Variants in LRP1B observed in about 807,000 individuals in gnomAD.
The protein encoded by LRP1B is low-density lipoprotein receptor-related protein 1B.
In LRP1B, 217 loss-of-function variants were observed where a neutral mutation model predicts 556.6. The ratio of observed to expected loss-of-function variants is 0.39; its 90% CI spans 0.35 to 0.44. The LOEUF (loss-of-function observed/expected upper bound fraction) is 0.44. Among genes scored for constraint, LRP1B ranks in the 20% least tolerant of loss-of-function variants. The pLI, the probability that LRP1B is intolerant of heterozygous loss-of-function variation, is 1.00. For missense variants in LRP1B, 5,053 were observed against 5,620.8 expected (o/e 0.90, Z 3.23); for synonymous variants, 2,047 against 1,865.8 (o/e 1.10, Z -2.50).
intron 21 of LRP1B, among the ~76,000 whole-genome samples, chr2:140,921,737 C>T (rs1694742038): frequency 6.6e-6 from 1 of 151,908 alleles, no homozygotes; most frequent in South Asian, 2.1e-4. Flanking sequence ...TAGGAAAAGG[C>T]TTCAGGAGTA....
At chr2:140,441,629 C>A (rs1310003759) in intron 66 of LRP1B, among the ~76,000 whole-genome samples, 1 of 151,954 alleles carries the variant, frequency 6.6e-6, no homozygotes, top group African/African-American at 2.4e-5. Flanking sequence ...TTTCATTTTC[C>A]CCATAAAAGT....
chr2:141,037,108 G>A (rs1267190275), intron 11 of LRP1B, among the ~76,000 whole-genome samples: 1 of 151,976 alleles, frequency 6.6e-6, no homozygotes, highest in Non-Finnish European at 1.5e-5. Flanking sequence ...AGAGTGTGGA[G>A]AGAGACCTTC....
In LRP1B at chr2:141,583,985, TGA is replaced by T. The variant is rs1234925582; in HGVS notation, c.206-103454_206-103453del. ...GATCTCCTGATCTCATTGAACAGGC[TGA>T]GTCGCAGCAGAAAATTTTTGTGGCA... On this transcript the variant is annotated intron_variant, in intron 2 of 90. Coordinates refer to ENST00000389484, the MANE Select transcript of LRP1B (RefSeq NM_018557.3). Among the ~76,000 whole-genome samples the T allele has an allele frequency of 2.0e-5, 3 of 151,948 alleles. No homozygotes were observed. The East Asian group carries it at 5.8e-4, about 30-fold the overall frequency.
In LRP1B at chr2:141,470,249, C is replaced by T. The variant is rs189832566; in HGVS notation, c.343+10147G>A. 2.0e-3 allele frequency among the ~76,000 whole-genome samples: 309 copies of T among 152,232 alleles called. 1 individual carries two copies. Among genetic ancestry groups the T allele is most frequent in the Non-Finnish European group, 3.5e-3 (235 of 68,008 alleles). ...TCTTATTGTTACTGGTGCAGATCTA[C>T]TTCAAAGAGTCAAAATGAACAGTTC... On this transcript the variant is annotated intron_variant, in intron 3 of 90. Transcript: ENST00000389484.
intron 11 of LRP1B, among the ~76,000 whole-genome samples, chr2:141,038,324 T>C (rs1180909854): frequency 6.6e-6 from 1 of 152,082 alleles, no homozygotes; most frequent in Non-Finnish European, 1.5e-5. Context: ...TGGTGGACTA[T>C]GCATTCTAAT....
At chr2:140,346,109 C>T (rs996349421) in intron 77 of LRP1B, among the ~76,000 whole-genome samples, 3 of 151,210 alleles carry the variant, frequency 2.0e-5, no homozygotes, top group African/African-American at 4.8e-5. Context: ...AAGCAAGATT[C>T]CAGTTCTGTT....
intron 1 of LRP1B, among the ~76,000 whole-genome samples, chr2:141,852,436 G>C (rs902512772): frequency 6.6e-6 from 1 of 151,704 alleles, no homozygotes; most frequent in Non-Finnish European, 1.5e-5. Context: ...TAAAATATGT[G>C]TTCACATAAG....
At chr2:141,432,612 A>C (rs1680602227) in intron 3 of LRP1B, among the ~76,000 whole-genome samples, 1 of 142,642 alleles carries the variant, frequency 7.0e-6, no homozygotes, top group Non-Finnish European at 1.5e-5. Flanking sequence ...TAGTCTATTC[A>C]GATGTTTTAT....
intron 31 of LRP1B, among the ~76,000 whole-genome samples, chr2:140,826,830 G>A (rs994551432): frequency 2.0e-5 from 3 of 152,082 alleles, no homozygotes; most frequent in Non-Finnish European, 4.4e-5. Context: ...AAGGGGAGGT[G>A]GGATTAGAAA....
chr2:141,807,995 G>A (rs1490471622), intron 2 of LRP1B, among the ~76,000 whole-genome samples: 1 of 151,944 alleles, frequency 6.6e-6, no homozygotes, highest in Admixed American at 6.6e-5. Context: ...TTTTCTCTCT[G>A]GACTTTACCT....
At chr2:141,390,924 T>A (rs1690026799) in intron 3 of LRP1B, among the ~76,000 whole-genome samples, 1 of 152,052 alleles carries the variant, frequency 6.6e-6, no homozygotes, top group Non-Finnish European at 1.5e-5. Context: ...TCTCTCACAA[T>A]TAAAAAAAGA....
At chr2:141,848,976 C>G (rs10172953) in intron 1 of LRP1B, among the ~76,000 whole-genome samples, 23,725 of 151,404 alleles carry the variant, frequency 0.16, 1,952 homozygotes, top group Non-Finnish European at 0.18. Context: ...CAGATAAATT[C>G]TGTGTGTCCA....
chr2:141,784,957 A>C (rs1695381765), intron 2 of LRP1B, among the ~76,000 whole-genome samples: 1 of 151,954 alleles, frequency 6.6e-6, no homozygotes, highest in African/African-American at 2.4e-5. Context: ...CGATAGGTGG[A>C]TAGATATGGC....
chr2:141,733,579 A>G (rs1693359564), intron 2 of LRP1B, among the ~76,000 whole-genome samples: 1 of 152,102 alleles, frequency 6.6e-6, no homozygotes, highest in Non-Finnish European at 1.5e-5. Context: ...CCTACAGAAT[A>G]AAGTTTAAAT....
At chr2:141,601,898 G>A (rs879272) in intron 2 of LRP1B, among the ~76,000 whole-genome samples, 98,704 of 152,004 alleles carry the variant, frequency 0.65, 34,783 homozygotes, top group Non-Finnish European at 0.79. Flanking sequence ...CACCGCGTCC[G>A]GCCTTAGCAT....
intron 2 of LRP1B, among the ~76,000 whole-genome samples, chr2:141,496,956 T>C (rs1430555232): frequency 6.6e-6 from 1 of 152,076 alleles, no homozygotes; most frequent in Non-Finnish European, 1.5e-5. Context: ...TATGATGTCA[T>C]ATCTGACAGC....
chr2:140,243,915 C>A (rs548495427), intron 87 of LRP1B, among the ~76,000 whole-genome samples: 28 of 151,542 alleles, frequency 1.8e-4, no homozygotes, highest in African/African-American at 6.8e-4. Context: ...CTGTGACATT[C>A]TCTATCTTTG....
chr2:141,020,935 C>T (rs535862186), intron 11 of LRP1B, among the ~76,000 whole-genome samples: 3 of 152,088 alleles, frequency 2.0e-5, no homozygotes, highest in African/African-American at 4.8e-5. Context: ...CAAAACTGCA[C>T]GGTTCCTAGG....
intron 2 of LRP1B, among the ~76,000 whole-genome samples, chr2:141,514,382 G>A (rs997667242): frequency 1.3e-5 from 2 of 152,032 alleles, no homozygotes; most frequent in Non-Finnish European, 2.9e-5. Context: ...TTCTAGTTGG[G>A]CCCCCCTTTC....
Sources: allele counts gnomAD v4.1 joint callset (sites outside exome capture counted in the v4.1 genomes callset), GRCh38; gene constraint gnomAD v4.1.1; transcripts MANE v1.5; gene names NCBI Gene and HGNC (gene_info 2026-07-23, HGNC 2026-07-21).